The following DOCK10 variants were observed in gnomAD, a reference collection of about 807,000 sequenced individuals.
The protein encoded by DOCK10 is dedicator of cytokinesis 10.
In DOCK10, 145 loss-of-function variants were observed where a neutral mutation model predicts 280.1. The observed-to-expected ratio is 0.52, with a 90% CI of 0.45 to 0.59. The LOEUF (loss-of-function observed/expected upper bound fraction) is 0.59, where lower values mean the gene tolerates loss of function less well. DOCK10 is among the 20% of genes least tolerant of loss of function. The pLI, the probability that DOCK10 is intolerant of heterozygous loss-of-function variation, is 0.00. For missense variants in DOCK10, 2,368 were observed against 2,651.7 expected, an observed-to-expected ratio of 0.89 and a Z score of 2.35; for synonymous variants, 915 against 942.2, an observed-to-expected ratio of 0.97 and a Z score of 0.53.
chr2:224,862,421 C>A (rs1263739911), intron 14 of DOCK10: 5 of 366,822 alleles, frequency 1.4e-5, no homozygotes, highest in Non-Finnish European at 2.5e-5. Flanking sequence ...GAACCCATAG[C>A]ATATCTGGTC....
chr2:224,924,853 T>C (rs1201061609), intron 2 of DOCK10, among the ~76,000 whole-genome samples: 1 of 152,236 alleles, frequency 6.6e-6, no homozygotes, highest in East Asian at 1.9e-4. Context: ...GTGCCTTTTT[T>C]TTCTAAGAAG....
chr2:224,875,797 C>T lies in DOCK10; in HGVS notation c.931+241G>A, dbSNP rs56412230. Among the ~76,000 whole-genome samples, 1,459 of 152,258 alleles carry T rather than the reference C, an allele frequency of 9.6e-3. 9 individuals are homozygous for T. Among genetic ancestry groups the T allele is most frequent in the Middle Eastern group, 0.017 (5 of 294 alleles). ...ATTTTGGATGCTGTGACAAATGATTCCCAACATCATTTGCTGGGGGAAAGC... is the reference window on the plus strand; with the variant it reads ...ATTTTGGATGCTGTGACAAATGATTTCCAACATCATTTGCTGGGGGAAAGC... On this transcript the variant is annotated intron_variant, in intron 8 of 55. Transcript: ENST00000258390.
intron 1 of DOCK10, among the ~76,000 whole-genome samples, chr2:224,938,160 C>T (rs185522671): frequency 1.3e-5 from 2 of 152,252 alleles, no homozygotes; most frequent in East Asian, 1.9e-4. Context: ...ATGAAAAGAG[C>T]GTTCCCCACT....
In DOCK10 at chr2:224,800,246, CT is replaced by C; in HGVS notation, c.4410del (p.Ile1470MetfsTer7). 3 of 1,609,566 alleles carry C rather than the reference CT, an allele frequency of 1.9e-6. No homozygotes were observed. Among genetic ancestry groups the C allele is most frequent in the Non-Finnish European group, 2.5e-6 (3 of 1,177,076 alleles). On this transcript the variant is annotated frameshift_variant, in exon 41 of 56. Coordinates refer to ENST00000258390, the MANE Select transcript of DOCK10 (RefSeq NM_014689.3). LOFTEE classifies it high-confidence loss of function. ...DNTMTSNSNE[I>X]DIVHHVDTEA... The stretch of plus-strand genomic sequence containing the variant: ...TCAGTGTCTACATGATGCACGATGT[CT>C]ATTTCATTGGAGTTGCCTATAAAAT...
intron 53 of DOCK10, among the ~76,000 whole-genome samples, chr2:224,772,571 C>A (rs1274983912): frequency 6.6e-6 from 1 of 152,216 alleles, no homozygotes; most frequent in African/African-American, 2.4e-5. Context: ...CCTCTCCTTG[C>A]ATCTTCAGGT....
chr2:225,006,048 A>AT (rs1004084969), intron 1 of DOCK10, among the ~76,000 whole-genome samples: 7 of 152,136 alleles, frequency 4.6e-5, no homozygotes, highest in Non-Finnish European at 7.3e-5. Context: ...GGGTATTAAT[A>AT]TTTTTTGGAG....
At position 224,952,674 on chromosome 2, in the gene DOCK10, G is replaced by A. The variant is rs1472170262; in HGVS notation, c.124-21006C>T. On this transcript the variant is annotated intron_variant, in intron 1 of 55. Transcript: ENST00000258390. The stretch of plus-strand genomic sequence containing the variant: ...GTGGCGGGATCTCGGCTCACTGCAA[G>A]CTCCGCCTCCCGGGTTCACGCCATT... 2.7e-5 allele frequency among the ~76,000 whole-genome samples: 4 copies of A among 148,904 alleles called. No individual in the cohort carries two copies. The East Asian group carries it at 7.8e-4, about 29-fold the overall frequency.
At chr2:224,801,134 G>T (rs1574843994) in intron 40 of DOCK10, among the ~76,000 whole-genome samples, 1 of 151,900 alleles carries the variant, frequency 6.6e-6, no homozygotes, top group African/African-American at 2.4e-5. Context: ...GATTGTAAAT[G>T]TTTCTTATCA....
At chr2:224,928,977 G>A (rs1429338173) in intron 2 of DOCK10, among the ~76,000 whole-genome samples, 3 of 152,192 alleles carry the variant, frequency 2.0e-5, no homozygotes, top group Non-Finnish European at 4.4e-5. Flanking sequence ...GAGCTCTTCA[G>A]GGCCTTTGCA....
chr2:224,793,336 A>G (rs774899909), intron 46 of DOCK10, 64 bp downstream of exon 46: 3 of 1,296,728 alleles, frequency 2.3e-6, no homozygotes, highest in Non-Finnish European at 3.3e-6. Context: ...TTAATACATT[A>G]TTTCTATTAG....
intron 1 of DOCK10, among the ~76,000 whole-genome samples, chr2:224,947,478 T>A (rs2126107011): frequency 6.6e-6 from 1 of 152,326 alleles, no homozygotes; most frequent in East Asian, 1.9e-4. Context: ...GTTCCCAAAG[T>A]GATTGTTTAG....
chr2:224,953,137 G>A (rs1025394499), intron 1 of DOCK10, among the ~76,000 whole-genome samples: 3 of 152,184 alleles, frequency 2.0e-5, no homozygotes, highest in African/African-American at 4.8e-5. Context: ...GTCCTAAATT[G>A]AGCAATTGGT....
At chr2:224,839,240 G>A (rs552356912) in intron 24 of DOCK10, among the ~76,000 whole-genome samples, 6 of 149,994 alleles carry the variant, frequency 4.0e-5, no homozygotes, top group South Asian at 2.1e-4. Context: ...CACCACGCCC[G>A]GCTAATTTTT....
At chr2:224,771,164 T>C (rs1308739899) in intron 53 of DOCK10, among the ~76,000 whole-genome samples, 5 of 152,138 alleles carry the variant, frequency 3.3e-5, no homozygotes, top group Non-Finnish European at 5.9e-5. Flanking sequence ...TCCCGGCTAG[T>C]CTGGAACTCT....
At chr2:224,850,013 C>CTG (rs1169797564) in intron 18 of DOCK10, among the ~76,000 whole-genome samples, 1 of 152,146 alleles carries the variant, frequency 6.6e-6, no homozygotes, top group Non-Finnish European at 1.5e-5. Flanking sequence ...TTAAGACCAA[C>CTG]TGTACCCAGC....
rs1690466151 is a variant in DOCK10, at chr2:225,042,438, A to G, written c.-64T>C. On this transcript the variant is annotated 5_prime_UTR_variant, in exon 1 of 56. Coordinates refer to ENST00000258390, the MANE Select transcript of DOCK10 (RefSeq NM_014689.3). This position sits in a 1 kb window ranked among gnomAD's most constrained non-coding sequence, Gnocchi z 5.1. ...CCTCCCGCCGGTCTTCCCCGCGCCA[A>G]CCTTCTCTATCCACCCGCCGTTCAG... 2.5e-6 allele frequency: 3 copies of G among 1,224,124 alleles called. No homozygotes were observed. Among genetic ancestry groups the G allele is most frequent in the East Asian group, 3.3e-5 (1 of 30,588 alleles). The allele number at this position is 1,224,124 out of a possible 1,614,324, so 75.8% of individuals were successfully genotyped here.
chr2:224,882,048 C>T (rs1699008971), intron 7 of DOCK10, among the ~76,000 whole-genome samples: 1 of 152,158 alleles, frequency 6.6e-6, no homozygotes, highest in Non-Finnish European at 1.5e-5. Flanking sequence ...AGGAAATGAG[C>T]CTTGTCCACC....
intron 41 of DOCK10, among the ~76,000 whole-genome samples, chr2:224,798,827 C>T (rs1246924539): frequency 6.6e-6 from 1 of 151,902 alleles, no homozygotes; most frequent in Non-Finnish European, 1.5e-5. Context: ...AAAGATGAAG[C>T]TTCACTATAT....
intron 1 of DOCK10, among the ~76,000 whole-genome samples, chr2:224,958,203 A>T (rs1704164567): frequency 6.6e-6 from 1 of 152,250 alleles, no homozygotes; most frequent in Non-Finnish European, 1.5e-5. Flanking sequence ...AGTGGATGTC[A>T]GTTGTAAGTT....
Sources: gnomAD v4.1 joint callset for allele counts (sites outside exome capture counted in the v4.1 genomes callset) on GRCh38, gnomAD v4.1.1 for gene constraint, Gnocchi (gnomAD v3.1) non-coding constraint, MANE v1.5 for transcripts, NCBI Gene and HGNC (gene_info 2026-07-23, HGNC 2026-07-21) for gene names.